ATP8A2: variants seen among roughly 807,000 people sequenced by gnomAD.
ATP8A2 encodes phospholipid-transporting ATPase IB.
ATP8A2 carries 100 observed loss-of-function variants against 165.6 expected under a neutral mutation model. That is an observed-to-expected ratio of 0.60 (90% CI 0.51 to 0.71). The LOEUF (loss-of-function observed/expected upper bound fraction) is 0.71, where lower values mean the gene tolerates loss of function less well. ATP8A2 is among the 30% of genes least tolerant of loss of function. The probability of loss-of-function intolerance (pLI) is 0.00; values close to 1 mark genes in which losing one functional copy is unlikely to be tolerated. For missense variants in ATP8A2, 1,227 were observed against 1,479.5 expected, an observed-to-expected ratio of 0.83 and a Z score of 2.80; for synonymous variants, 543 against 548.8, an observed-to-expected ratio of 0.99 and a Z score of 0.15.
chr13:25,506,028 T>C (rs1025656190), intron 2 of ATP8A2, among the ~76,000 whole-genome samples: 1 of 152,246 alleles, frequency 6.6e-6, no homozygotes, highest in East Asian at 1.9e-4. Context: ...CAGCTTTCTG[T>C]GTTCCCGACC....
At chr13:25,407,237 TG>T (rs1398235880) in intron 1 of ATP8A2, among the ~76,000 whole-genome samples, 1 of 152,196 alleles carries the variant, frequency 6.6e-6, no homozygotes, top group Non-Finnish European at 1.5e-5. Flanking sequence ...CTGTGCAGTT[TG>T]GGGGAGGCAA....
chr13:25,895,942 T>G (rs1300858277), intron 33 of ATP8A2, among the ~76,000 whole-genome samples: 1 of 152,206 alleles, frequency 6.6e-6, no homozygotes, highest in African/African-American at 2.4e-5. Flanking sequence ...TTATTAGTCT[T>G]GCTAGCGGTC....
intron 24 of ATP8A2, among the ~76,000 whole-genome samples, chr13:25,619,956 G>T (rs2040928408): frequency 6.6e-6 from 1 of 152,210 alleles, no homozygotes; most frequent in Non-Finnish European, 1.5e-5. Context: ...ACAAAGAAGA[G>T]AGGAGTCACG....
intron 33 of ATP8A2, among the ~76,000 whole-genome samples, chr13:25,936,153 A>G (rs1209825292): frequency 6.6e-6 from 1 of 152,194 alleles, no homozygotes; most frequent in African/African-American, 2.4e-5. Flanking sequence ...TTGATTTGGG[A>G]TGAGTTCTAA....
At chr13:25,631,214 CT>C (rs75793200) in intron 24 of ATP8A2, among the ~76,000 whole-genome samples, 5,264 of 152,250 alleles carry the variant, frequency 0.035, 157 homozygotes, top group East Asian at 0.13. Flanking sequence ...TCCAACAGGA[CT>C]TTCTGCAGTG....
intron 25 of ATP8A2, among the ~76,000 whole-genome samples, chr13:25,714,412 T>A (rs972758403): frequency 6.6e-6 from 1 of 152,168 alleles, no homozygotes; most frequent in Non-Finnish European, 1.5e-5. Flanking sequence ...GTACTCTGGC[T>A]CTGTTAGTGC....
chr13:25,869,756 C>A (rs1952625227), intron 33 of ATP8A2, among the ~76,000 whole-genome samples: 1 of 152,182 alleles, frequency 6.6e-6, no homozygotes, highest in Non-Finnish European at 1.5e-5. Context: ...CTGCTCAGAC[C>A]TCTAGGGGAG....
chr13:25,870,226 T>C (rs1288825339), intron 33 of ATP8A2, among the ~76,000 whole-genome samples: 2 of 152,196 alleles, frequency 1.3e-5, no homozygotes, highest in East Asian at 1.9e-4. Context: ...GTTCCTCTGC[T>C]GATGTGTTTC....
chr13:25,531,237 T>TATATGTTGTATATGTTATATATG (rs1566229021), intron 4 of ATP8A2, among the ~76,000 whole-genome samples: 3 of 53,318 alleles, frequency 5.6e-5, no homozygotes, highest in African/African-American at 2.2e-4. Context: ...TTATATATGA[T>TATATGTTGTATATGTTATATATG]ATATATGTTA....
intron 25 of ATP8A2, among the ~76,000 whole-genome samples, chr13:25,746,592 G>A (rs1459674882): frequency 1.3e-5 from 2 of 152,210 alleles, no homozygotes; most frequent in African/African-American, 4.8e-5. Context: ...CCCAGGTTGA[G>A]TCTATTATGT....
intron 24 of ATP8A2, among the ~76,000 whole-genome samples, chr13:25,674,398 G>C (rs1001684501): frequency 3.9e-5 from 6 of 152,020 alleles, no homozygotes; most frequent in African/African-American, 1.4e-4. Flanking sequence ...ATAATATATC[G>C]TTTCCATTCC....
chr13:25,711,774 T>C (rs3132339), intron 25 of ATP8A2, among the ~76,000 whole-genome samples: 36,813 of 152,062 alleles, frequency 0.24, 6,690 homozygotes, highest in African/African-American at 0.51. Flanking sequence ...TCCAGATTTA[T>C]AGTCATTTAA....
intron 10 of ATP8A2, among the ~76,000 whole-genome samples, chr13:25,546,943 A>C (rs1274381664): frequency 6.6e-6 from 1 of 152,058 alleles, no homozygotes; most frequent in East Asian, 1.9e-4. Context: ...CAGCCTGGCC[A>C]ACATGGTGAA....
At chr13:25,891,561 T>G (rs1331943592) in intron 33 of ATP8A2, among the ~76,000 whole-genome samples, 1 of 152,126 alleles carries the variant, frequency 6.6e-6, no homozygotes, top group Non-Finnish European at 1.5e-5. Flanking sequence ...TGACCTCAGG[T>G]GATCTGCCTA....
rs112047173 is a variant in ATP8A2 at position 25,561,185 on chromosome 13, A to G, written c.1397+1420A>G. Reference sequence around the variant, plus strand: ...CATTATTTTGGACATTCATTGGACCACCAGTGGGCCATTCTGTCTCTGAGT... The same window carrying G: ...CATTATTTTGGACATTCATTGGACCGCCAGTGGGCCATTCTGTCTCTGAGT... On this transcript the variant is annotated intron_variant, in intron 15 of 36. Coordinates refer to ENST00000381655, the MANE Select transcript of ATP8A2 (RefSeq NM_016529.6). 7.2e-3 allele frequency among the ~76,000 whole-genome samples: 1,093 copies of G among 152,224 alleles called. 22 individuals carry two copies. Among genetic ancestry groups the G allele is most frequent in the African/African-American group, 0.024 (986 of 41,544 alleles).
Position 25,450,643 on chromosome 13 carries a change from T to G in ATP8A2, c.77-18334T>G, listed in dbSNP as rs188271100. Among the ~76,000 whole-genome samples, 1,462 of 152,232 alleles carry G rather than the reference T, an allele frequency of 9.6e-3. 81 individuals are homozygous for G. Among genetic ancestry groups the G allele is most frequent in the Admixed American group, 0.081 (1,244 of 15,286 alleles). ...GCCTCCCGGGTTCACGCCATTCTCC[T>G]GCTTCAGCCTCCCGAGTAGCTGGGA... On this transcript the variant is annotated intron_variant, in intron 1 of 36. Coordinates refer to ENST00000381655, the MANE Select transcript of ATP8A2 (RefSeq NM_016529.6).
chr13:25,980,250 C>T (rs1350530406), intron 35 of ATP8A2, among the ~76,000 whole-genome samples: 2 of 152,178 alleles, frequency 1.3e-5, no homozygotes, highest in Non-Finnish European at 2.9e-5. Flanking sequence ...ACCTTCATGA[C>T]TGTGCTTCCC....
chr13:25,608,620 C>T (rs1449701006), intron 24 of ATP8A2, among the ~76,000 whole-genome samples: 1 of 152,150 alleles, frequency 6.6e-6, no homozygotes, highest in Admixed American at 6.6e-5. Flanking sequence ...GTGCCATATG[C>T]TGTAGGTGTC....
chr13:25,612,767 A>G (rs1322011207), intron 24 of ATP8A2, among the ~76,000 whole-genome samples: 4 of 151,684 alleles, frequency 2.6e-5, no homozygotes, highest in African/African-American at 9.7e-5. Context: ...GTTGCCATCT[A>G]TCTCATTTCT....
Sources: allele counts gnomAD v4.1 joint callset (sites outside exome capture counted in the v4.1 genomes callset), GRCh38; gene constraint gnomAD v4.1.1; transcripts MANE v1.5; gene names NCBI Gene and HGNC (gene_info 2026-07-23, HGNC 2026-07-21).